Variants in PRELID2 observed in about 807,000 individuals in gnomAD.
PRELID2 encodes PRELI domain-containing protein 2.
PRELID2 carries 25 observed loss-of-function variants against 28.4 expected under a neutral mutation model. The ratio of observed to expected loss-of-function variants is 0.88; its 90% confidence interval spans 0.64 to 1.23. The LOEUF (loss-of-function observed/expected upper bound fraction) is 1.23, where lower values mean the gene tolerates loss of function less well. PRELID2 is among the 50% of genes most tolerant of loss of function. The pLI, the probability that PRELID2 is intolerant of heterozygous loss-of-function variation, is 0.00. For synonymous variants in PRELID2, 76 were observed against 71.6 expected (o/e 1.06, Z -0.31); for missense variants, 201 against 214.4 (o/e 0.94, Z 0.39).
At chr5:145,755,223 G>A (rs907258231), downstream of PRELID2, among the ~76,000 whole-genome samples, 25 of 152,146 alleles carry the variant, frequency 1.6e-4, no homozygotes, top group Admixed American at 1.4e-3. Flanking sequence ...CCGTGTTTTG[G>A]GATGCTCAGG....
the PRELID2 span, among the ~76,000 whole-genome samples, chr5:145,321,596 C>T: frequency 3.9e-5 from 6 of 152,164 alleles, no homozygotes; most frequent in African/African-American, 9.7e-5. Context: ...TTCACTTGCC[C>T]GCAAGCACCC....
chr5:145,589,905 C>G (rs980345239), intron 1 of PRELID2, among the ~76,000 whole-genome samples: 1 of 152,146 alleles, frequency 6.6e-6, no homozygotes, highest in Non-Finnish European at 1.5e-5. Context: ...TTTGCACAAA[C>G]AACAAATGCA....
chr5:145,230,059 C>T, the PRELID2 span: 2 of 681,004 alleles, frequency 2.9e-6, no homozygotes, highest in Admixed American at 3.6e-5. Flanking sequence ...AGATAGACCC[C>T]TGTACCATGA....
chr5:145,666,096 A>G (rs2149680154), intron 1 of PRELID2, among the ~76,000 whole-genome samples: 1 of 152,010 alleles, frequency 6.6e-6, no homozygotes, highest in Admixed American at 6.6e-5. Flanking sequence ...TGCTCAAATT[A>G]TGTCTTCACA....
At chr5:145,410,600 C>T in the PRELID2 span, among the ~76,000 whole-genome samples, 11 of 152,210 alleles carry the variant, frequency 7.2e-5, no homozygotes, top group South Asian at 2.3e-3. Flanking sequence ...GGAGGAGTCC[C>T]TTTATAAAAC....
At chr5:145,422,293 A>G in the PRELID2 span, among the ~76,000 whole-genome samples, 1 of 150,854 alleles carries the variant, frequency 6.6e-6, no homozygotes, top group Non-Finnish European at 1.5e-5. Flanking sequence ...ATCCTTCTTG[A>G]CTTTCTGTCT....
the PRELID2 span, among the ~76,000 whole-genome samples, chr5:145,303,827 T>C: frequency 1.3e-5 from 2 of 152,182 alleles, no homozygotes; most frequent in Admixed American, 6.6e-5. Flanking sequence ...ACCCCAAGGA[T>C]ATATTCAGGG....
chr5:145,502,012 A>G (rs546973032), intron 1 of PRELID2, among the ~76,000 whole-genome samples: 44 of 152,272 alleles, frequency 2.9e-4, no homozygotes, highest in African/African-American at 1.0e-3. Flanking sequence ...TGTCTAGCAG[A>G]GGCAGACTTT....
the PRELID2 span, among the ~76,000 whole-genome samples, chr5:145,319,856 C>T: frequency 6.6e-6 from 1 of 152,092 alleles, no homozygotes; most frequent in African/African-American, 2.4e-5. Flanking sequence ...GAATATAAAG[C>T]ATCTCAACTT....
At chr5:145,351,900 G>A in the PRELID2 span, among the ~76,000 whole-genome samples, 4 of 152,176 alleles carry the variant, frequency 2.6e-5, no homozygotes, top group African/African-American at 7.2e-5. Context: ...AAGCCTTAAA[G>A]TTCCAAAATG....
the PRELID2 span, among the ~76,000 whole-genome samples, chr5:145,431,997 G>T: frequency 5.3e-5 from 8 of 151,994 alleles, no homozygotes; most frequent in Non-Finnish European, 1.0e-4. Context: ...AAAATAGAGA[G>T]CAATCACATG....
At chr5:145,608,415 G>A (rs979908357) in intron 1 of PRELID2, among the ~76,000 whole-genome samples, 5 of 152,112 alleles carry the variant, frequency 3.3e-5, no homozygotes, top group Non-Finnish European at 7.4e-5. Flanking sequence ...CTCCCTTAAG[G>A]ATCTCTTGTA....
intron 1 of PRELID2, among the ~76,000 whole-genome samples, chr5:145,637,001 AAC>A (rs756416381): frequency 6.6e-6 from 1 of 152,182 alleles, no homozygotes; most frequent in African/African-American, 2.4e-5. Flanking sequence ...CTCAAGGCAG[AAC>A]ACAGTCAAGC....
the PRELID2 span, among the ~76,000 whole-genome samples, chr5:145,367,426 T>TA: frequency 6.6e-6 from 1 of 151,936 alleles, no homozygotes; most frequent in East Asian, 1.9e-4. Flanking sequence ...GCTATTCATT[T>TA]ATTTCAACTG....
chr5:145,711,990 T>C (rs1460822092), intron 1 of PRELID2, among the ~76,000 whole-genome samples: 1 of 152,150 alleles, frequency 6.6e-6, no homozygotes, highest in East Asian at 1.9e-4. Context: ...AGAAATTCCC[T>C]CTACTCAAAT....
At chr5:145,323,051 C>T in the PRELID2 span, among the ~76,000 whole-genome samples, 2 of 151,982 alleles carry the variant, frequency 1.3e-5, no homozygotes, top group African/African-American at 4.8e-5. Context: ...TGCTAAGAAG[C>T]ACACTACAGG....
the PRELID2 span, among the ~76,000 whole-genome samples, chr5:145,431,201 C>T: frequency 6.6e-5 from 10 of 151,584 alleles, 1 homozygote; most frequent in South Asian, 2.1e-3. Flanking sequence ...CTTTTTTATC[C>T]ACTCCCAATC....
At chr5:145,463,559 TTG>T in the PRELID2 span, among the ~76,000 whole-genome samples, 1 of 152,196 alleles carries the variant, frequency 6.6e-6, no homozygotes, top group Non-Finnish European at 1.5e-5. Flanking sequence ...ATTATGACCA[TTG>T]TGTTCCCCTA....
chr5:145,791,653 G>GGTGAC (rs1752402440), intron 5 of PRELID2, among the ~76,000 whole-genome samples: 1 of 152,122 alleles, frequency 6.6e-6, no homozygotes, highest in African/African-American at 2.4e-5. Flanking sequence ...GATGGATGAT[G>GGTGAC]GTGACGGCTG....
Sources: gnomAD v4.1 joint callset for allele counts (sites outside exome capture counted in the v4.1 genomes callset) on GRCh38, gnomAD v4.1.1 for gene constraint, MANE v1.5 for transcripts, NCBI Gene and HGNC (gene_info 2026-07-23, HGNC 2026-07-21) for gene names.